The following CCP110 variants were observed in gnomAD, a reference collection of about 807,000 sequenced individuals.
The protein encoded by CCP110 is centriolar coiled-coil protein of 110 kDa.
A neutral mutation model predicts 105.5 loss-of-function variants in CCP110; 43 were observed. The observed-to-expected ratio is 0.41, with a 90% confidence interval of 0.32 to 0.53. The LOEUF (loss-of-function observed/expected upper bound fraction) is 0.53, where lower values mean the gene tolerates loss of function less well. CCP110 is among the 20% of genes least tolerant of loss of function. The pLI, the probability that CCP110 is intolerant of heterozygous loss-of-function variation, is 0.32. For missense variants in CCP110, 1,016 were observed against 1,189.1 expected (o/e 0.85, Z 2.14); for synonymous variants, 353 against 392.1 (o/e 0.90, Z 1.18).
intron 14 of CCP110, among the ~76,000 whole-genome samples, chr16:19,549,222 G>A (rs1161432210): frequency 2.0e-5 from 3 of 152,130 alleles, no homozygotes; most frequent in African/African-American, 7.2e-5. Context: ...AGGTATCTTT[G>A]TTAAGACACT....
chr16:19,547,484 G>A (rs1186030509), intron 12 of CCP110: 1 of 154,692 alleles, frequency 6.5e-6, no homozygotes, highest in African/African-American at 2.4e-5. Flanking sequence ...GGCTGAGGCA[G>A]GAGGATAGCT....
rs979303631 is a variant in CCP110, at chr16:19,545,754, C to A, written c.2704-63C>A. 3 of 814,412 alleles carry A rather than the reference C, an allele frequency of 3.7e-6. No individual in the cohort carries two copies. The African/African-American group carries it at 5.2e-5, about 14-fold the overall frequency. The allele number at this position is 814,412 out of a possible 1,614,324, so 50.4% of individuals were successfully genotyped here. A position where few individuals can be genotyped will look rare whatever the true frequency, so the allele number is the denominator to read the frequency against. On this transcript the variant is annotated intron_variant, in intron 10 of 14. Coordinates refer to ENST00000381396, the Ensembl canonical transcript of CCP110. ...TTCCAGGCAATGTGGGATTATAATA[C>A]ATTATAATATAGTGGTATTAATTGG...
In CCP110 at chr16:19,548,380, C is replaced by A; in HGVS notation, c.2901-135C>A. ...CCAGAGTTTAGCTTTCCTTACTGTGCGCATGCATGAGACTTCAGTTCTTTT... is the reference window on the plus strand; with the variant it reads ...CCAGAGTTTAGCTTTCCTTACTGTGAGCATGCATGAGACTTCAGTTCTTTT... On this transcript the variant is annotated intron_variant, in intron 13 of 14. Coordinates refer to ENST00000381396, the Ensembl canonical transcript of CCP110. The surrounding 1 kb of genome is among the most constrained non-coding windows in gnomAD (Gnocchi z 4.1). The A allele has an allele frequency of 1.6e-6, 1 of 626,252 alleles. No individual in the cohort carries two copies. Among genetic ancestry groups the A allele is most frequent in the East Asian group, 2.8e-5 (1 of 36,244 alleles). The allele number at this position is 626,252 out of a possible 1,614,324, so 38.8% of individuals were successfully genotyped here.
At chr16:19,534,385 A>G (rs1020468796) in intron 3 of CCP110, among the ~76,000 whole-genome samples, 1 of 152,206 alleles carries the variant, frequency 6.6e-6, no homozygotes, top group Non-Finnish European at 1.5e-5. Context: ...AAAATTTTAT[A>G]TAATACAATT....
chr16:19,544,717 T>G, intron 8 of CCP110, 80 bp from the exon 9 acceptor site: 1 of 759,984 alleles, frequency 1.3e-6, no homozygotes, highest in East Asian at 2.5e-5. Context: ...TTGGATTGAC[T>G]GAGAAAAAGA....
At chr16:19,528,003 T>C in exon 2 of CCP110, 1 of 1,611,014 alleles carries the variant, frequency 6.2e-7, no homozygotes, top group Non-Finnish European at 8.5e-7. Context: ...TTTCATGGAG[T>C]GGCTATCCTT....
At chr16:19,546,347 C>T in intron 11 of CCP110, 65 bp from the exon 12 acceptor site, 1 of 919,146 alleles carries the variant, frequency 1.1e-6, no homozygotes, top group Non-Finnish European at 1.7e-6. Context: ...TCCTGTATTA[C>T]ATTTGTAAGC....
chr16:19,543,789 A>G (rs915481736), intron 8 of CCP110, among the ~76,000 whole-genome samples: 1 of 152,086 alleles, frequency 6.6e-6, no homozygotes, highest in Non-Finnish European at 1.5e-5. Context: ...CTCCTGCAGT[A>G]CCCTCAGGCT....
intron 14 of CCP110, 93 bp from the exon 14 acceptor site, chr16:19,551,103 C>T (rs1324534927): frequency 2.6e-6 from 2 of 781,300 alleles, no homozygotes; most frequent in African/African-American, 1.7e-5. Flanking sequence ...TATTGCCTAG[C>T]TCAGTGTTTG....
exon 5 of CCP110, chr16:19,540,756 A>G: frequency 6.2e-7 from 1 of 1,613,802 alleles, no homozygotes; most frequent in Non-Finnish European, 8.5e-7. Flanking sequence ...CTCATAGCTG[A>G]GCAGGAAAGG....
chr16:19,539,228 C>T (rs535388977), intron 4 of CCP110, among the ~76,000 whole-genome samples: 1 of 152,090 alleles, frequency 6.6e-6, no homozygotes, highest in African/African-American at 2.4e-5. Context: ...CTTCATTACC[C>T]CTTACTTTGT....
chr16:19,530,855 G>A (rs1214013339), intron 2 of CCP110, among the ~76,000 whole-genome samples: 1 of 152,056 alleles, frequency 6.6e-6, no homozygotes, highest in Non-Finnish European at 1.5e-5. Context: ...GCGTTAGGCC[G>A]AGGCAGGAGA....
chr16:19,537,963 C>T (rs1033519368), intron 4 of CCP110, among the ~76,000 whole-genome samples: 2 of 152,198 alleles, frequency 1.3e-5, no homozygotes, highest in Non-Finnish European at 2.9e-5. Context: ...GAGTTTCTGG[C>T]ATGTTGCCCA....
intron 9 of CCP110, 44 bp from the exon 10 acceptor site, chr16:19,545,050 C>A: frequency 8.1e-7 from 1 of 1,228,496 alleles, no homozygotes; most frequent in Non-Finnish European, 1.2e-6. Context: ...GAACTCTAAC[C>A]TCATCTTTTA....
chr16:19,535,810 C>G, intron 3 of CCP110, 130 bp from the exon 4 acceptor site: 1 of 661,740 alleles, frequency 1.5e-6, no homozygotes, highest in Non-Finnish European at 2.4e-6. Flanking sequence ...AACCTGTCAT[C>G]TTAGTTTTTC....
exon 4 of CCP110, chr16:19,536,893 G>A (rs766864319): frequency 4.3e-6 from 7 of 1,614,110 alleles, no homozygotes; most frequent in Non-Finnish European, 5.1e-6. Flanking sequence ...AACAGGCAAT[G>A]GACTTAATTA....
chr16:19,541,340 A>G (rs1970270983), intron 5 of CCP110, among the ~76,000 whole-genome samples: 1 of 152,016 alleles, frequency 6.6e-6, no homozygotes, highest in East Asian at 1.9e-4. Flanking sequence ...ATTATCACAT[A>G]TTAAATTATA....
chr16:19,540,107 A>G (rs1970225602), intron 4 of CCP110, among the ~76,000 whole-genome samples: 2 of 152,176 alleles, frequency 1.3e-5, no homozygotes, highest in African/African-American at 4.8e-5. Flanking sequence ...GTACATTTCA[A>G]CATGTCTTAC....
chr16:19,543,226 A>G (rs1354038389), intron 8 of CCP110, among the ~76,000 whole-genome samples: 1 of 152,234 alleles, frequency 6.6e-6, no homozygotes, highest in African/African-American at 2.4e-5. Context: ...TAATATGGAC[A>G]TATATCAGTT....
Sources: gnomAD v4.1 joint callset for allele counts (sites outside exome capture counted in the v4.1 genomes callset) on GRCh38, gnomAD v4.1.1 for gene constraint, Gnocchi (gnomAD v3.1) non-coding constraint, MANE v1.5 for transcripts, NCBI Gene and HGNC (gene_info 2026-07-23, HGNC 2026-07-21) for gene names.